CERS6: variants seen among roughly 807,000 people sequenced by gnomAD.
CERS6 encodes ceramide synthase 6.
Under a neutral mutation model 56.8 loss-of-function variants are expected in CERS6, and 26 were observed. The observed-to-expected ratio is 0.46, with a 90% confidence interval of 0.34 to 0.63. The LOEUF (loss-of-function observed/expected upper bound fraction) is 0.63. Ranked by LOEUF, CERS6 falls within the 30% of genes least tolerant of loss-of-function variation. The pLI is 0.01. For missense variants in CERS6, 415 were observed against 467.5 expected, an observed-to-expected ratio of 0.89 and a Z score of 1.04; for synonymous variants, 164 against 173.3, an observed-to-expected ratio of 0.95 and a Z score of 0.42.
chr2:168,617,263 T>G (rs1684340522), intron 3 of CERS6, among the ~76,000 whole-genome samples: 1 of 152,098 alleles, frequency 6.6e-6, no homozygotes, highest in Non-Finnish European at 1.5e-5. Context: ...TAGCCCTAAA[T>G]GCCTACATCA....
intron 8 of CERS6, among the ~76,000 whole-genome samples, chr2:168,733,851 G>A (rs904408253): frequency 4.7e-4 from 71 of 151,096 alleles, no homozygotes; most frequent in African/African-American, 1.2e-3. Flanking sequence ...GTGGCTTATC[G>A]TCAGGAAAGT....
intron 6 of CERS6, among the ~76,000 whole-genome samples, chr2:168,703,572 C>T (rs147229106): frequency 6.6e-6 from 1 of 150,740 alleles, no homozygotes; most frequent in Non-Finnish European, 1.5e-5. Flanking sequence ...AACAAACAAA[C>T]AAAAAAAAAG....
chr2:168,688,613 C>G (rs1037106904), intron 4 of CERS6, among the ~76,000 whole-genome samples: 2 of 152,120 alleles, frequency 1.3e-5, no homozygotes, highest in African/African-American at 4.8e-5. Context: ...GAAAAATGTA[C>G]TGTGCATATG....
At chr2:168,463,552 G>C (rs1193437347) in intron 1 of CERS6, among the ~76,000 whole-genome samples, 1 of 152,148 alleles carries the variant, frequency 6.6e-6, no homozygotes, top group African/African-American at 2.4e-5. Flanking sequence ...TTGCCAAATT[G>C]TTGTCCAGAA....
chr2:168,630,329 C>T (rs1684686985), intron 3 of CERS6, among the ~76,000 whole-genome samples: 1 of 83,902 alleles, frequency 1.2e-5, no homozygotes, highest in African/African-American at 5.7e-5. Context: ...CACACACACG[C>T]ACACATCTTA....
Position 168,511,086 on chromosome 2 carries a change from G to C in CERS6, c.171-36510G>C, listed in dbSNP as rs1694780098. Reference sequence around the variant, plus strand: ...TTCTCAAATCTCCTTTATTCTTGCTGCCTCTTTCCATTCTCCTGTCCCAAT... The same window carrying C: ...TTCTCAAATCTCCTTTATTCTTGCTCCCTCTTTCCATTCTCCTGTCCCAAT... On this transcript the variant is annotated intron_variant, in intron 1 of 9. Transcript: ENST00000305747. 2.0e-5 allele frequency among the ~76,000 whole-genome samples: 3 copies of C among 152,160 alleles called. No individual in the cohort carries two copies. The South Asian group carries it at 6.2e-4, about 32-fold the overall frequency.
At chr2:168,607,270 G>A (rs1242154702) in intron 3 of CERS6, among the ~76,000 whole-genome samples, 2 of 152,018 alleles carry the variant, frequency 1.3e-5, no homozygotes, top group African/African-American at 2.4e-5. Flanking sequence ...TTGGTATAGG[G>A]AATAATGTTG....
intron 8 of CERS6, among the ~76,000 whole-genome samples, chr2:168,757,160 T>C (rs537464305): frequency 2.0e-5 from 3 of 152,114 alleles, no homozygotes; most frequent in East Asian, 1.9e-4. Flanking sequence ...GTCTCTCTTA[T>C]GTACACATAG....
intron 1 of CERS6, among the ~76,000 whole-genome samples, chr2:168,509,977 T>C (rs1027372571): frequency 6.6e-6 from 1 of 152,184 alleles, no homozygotes; most frequent in Admixed American, 6.5e-5. Flanking sequence ...TATCTCTTTA[T>C]TTCCTTATGT....
Position 168,752,326 on chromosome 2 carries a change from G to GTGT in CERS6, c.846-13266_846-13265insTGT, listed in dbSNP as rs1684298614. 1.7e-5 allele frequency among the ~76,000 whole-genome samples: 2 copies of GTGT among 117,524 alleles called. 1 individual carries two copies. Among genetic ancestry groups the GTGT allele is most frequent in the Middle Eastern group, 7.8e-3 (2 of 258 alleles). The allele number at this position is 117,524 out of a possible 152,430, so 77.1% of individuals were successfully genotyped here. A position where few individuals can be genotyped will look rare whatever the true frequency, so the allele number is the denominator to read the frequency against. ...GTGTGTGTGTGTGTGTGTATAGAGA[G>GTGT]AGAGAGAGAGAGGCTAAGTTTGACA... On this transcript the variant is annotated intron_variant, in intron 8 of 9. Transcript: ENST00000305747.
intron 3 of CERS6, 78 bp downstream of exon 3, chr2:168,561,400 T>G: frequency 6.5e-7 from 1 of 1,538,420 alleles, no homozygotes; most frequent in Non-Finnish European, 8.9e-7. Flanking sequence ...AAAAGATCTG[T>G]GCAGGCTTCA....
At chr2:168,547,350 C>T (rs1306452758) in intron 1 of CERS6, among the ~76,000 whole-genome samples, 1 of 152,002 alleles carries the variant, frequency 6.6e-6, no homozygotes, top group Non-Finnish European at 1.5e-5. Flanking sequence ...CTCATTAGAA[C>T]TTGAGGATTG....
At chr2:168,724,751 T>C (rs1683293422) in intron 8 of CERS6, among the ~76,000 whole-genome samples, 1 of 152,016 alleles carries the variant, frequency 6.6e-6, no homozygotes, top group Admixed American at 6.5e-5. Context: ...TGAGACAGAG[T>C]GCCGATTGGT....
intron 8 of CERS6, among the ~76,000 whole-genome samples, chr2:168,743,902 C>G (rs1684002834): frequency 6.6e-6 from 1 of 151,582 alleles, no homozygotes; most frequent in South Asian, 2.1e-4. Flanking sequence ...TTACTTGATT[C>G]CCCACATTCT....
intron 3 of CERS6, among the ~76,000 whole-genome samples, chr2:168,617,192 A>G (rs1455587626): frequency 6.6e-6 from 1 of 152,200 alleles, no homozygotes; most frequent in African/African-American, 2.4e-5. Context: ...GAATGACAAT[A>G]GTGGCTCAAC....
At chr2:168,537,779 C>T (rs566618322) in intron 1 of CERS6, among the ~76,000 whole-genome samples, 4 of 152,102 alleles carry the variant, frequency 2.6e-5, no homozygotes, top group Admixed American at 6.5e-5. Context: ...AAATTTCTAT[C>T]CCTTGCCCAA....
rs573043461 is a variant in CERS6, at chr2:168,572,795, C to T, written c.407+11473C>T. Among the ~76,000 whole-genome samples, 61 of 152,202 alleles carry T rather than the reference C, an allele frequency of 4.0e-4. No homozygotes were observed. In the South Asian group the frequency reaches 0.012, roughly 29 times the overall value. The stretch of plus-strand genomic sequence containing the variant: ...GTTTGCATCCATCTCTGCTGTTTGA[C>T]CGTCAATACCTTGAGTTCTGGGACT... On this transcript the variant is annotated intron_variant, in intron 3 of 9. Transcript: ENST00000305747.
At chr2:168,511,273 A>G (rs527259612) in intron 1 of CERS6, among the ~76,000 whole-genome samples, 2 of 152,320 alleles carry the variant, frequency 1.3e-5, no homozygotes, top group East Asian at 3.9e-4. Flanking sequence ...TGGAAAAGGA[A>G]GTTTAAAAAA....
intron 3 of CERS6, among the ~76,000 whole-genome samples, chr2:168,580,976 G>A (rs572340010): frequency 2.0e-5 from 3 of 150,958 alleles, no homozygotes; most frequent in Admixed American, 6.6e-5. Context: ...TATTCCTCTC[G>A]AGATTCTCTG....
Sources: gnomAD v4.1 joint callset for allele counts (sites outside exome capture counted in the v4.1 genomes callset) on GRCh38, gnomAD v4.1.1 for gene constraint, MANE v1.5 for transcripts, NCBI Gene and HGNC (gene_info 2026-07-23, HGNC 2026-07-21) for gene names.